The following DNAH8 variants were observed in gnomAD, a reference collection of about 807,000 sequenced individuals.
DNAH8 encodes the protein axonemal beta dynein heavy chain 8.
A neutral mutation model predicts 562.1 loss-of-function variants in DNAH8; 382 were observed. The observed-to-expected ratio is 0.68, with a 90% CI of 0.63 to 0.74. DNAH8 has a LOEUF of 0.74. Among genes scored for constraint, DNAH8 ranks in the 30% least tolerant of loss-of-function variants. The pLI, the probability that DNAH8 is intolerant of heterozygous loss-of-function variation, is 0.00. For synonymous variants in DNAH8, 1,881 were observed against 1,919.4 expected, an observed-to-expected ratio of 0.98 and a Z score of 0.52; for missense variants, 5,203 against 5,620.4, an observed-to-expected ratio of 0.93 and a Z score of 2.37.
intron 26 of DNAH8, among the ~76,000 whole-genome samples, chr6:38,820,238 A>G (rs1305194074): frequency 1.3e-5 from 2 of 152,212 alleles, no homozygotes; most frequent in Admixed American, 6.5e-5. Context: ...GATAGATAAC[A>G]TACAGCAGAA....
chr6:38,897,251 A>G (rs941576202), intron 60 of DNAH8, among the ~76,000 whole-genome samples: 3 of 152,234 alleles, frequency 2.0e-5, no homozygotes, highest in African/African-American at 7.2e-5. Context: ...ATAGAATTCA[A>G]ATTTCATTGT....
At chr6:38,836,098 A>G (rs895649161) in intron 32 of DNAH8, among the ~76,000 whole-genome samples, 3 of 152,198 alleles carry the variant, frequency 2.0e-5, no homozygotes. Context: ...AAGGTTTCCA[A>G]CTTGGGCATA....
chr6:38,826,391 AGTAAG>A lies in DNAH8; in HGVS notation c.4083+1_4083+5del. ...TGGACATGACTTTGGGACCAATTGA[AGTAAG>A]AAATGATTGCATTTTTTTTTCTTGG... On this transcript the variant is annotated splice_donor_variant and splice_donor_5th_base_variant and intron_variant, in intron 29 of 92. Transcript: ENST00000327475. LOFTEE classifies it high-confidence loss of function. 6.3e-7 allele frequency: 1 copy of A among 1,576,010 alleles called. No homozygotes were observed. The highest frequency in any genetic ancestry group is 8.6e-7 in the Non-Finnish European group (1 of 1,161,602).
At chr6:38,819,809 C>G (rs1247371324) in intron 26 of DNAH8, among the ~76,000 whole-genome samples, 2 of 152,104 alleles carry the variant, frequency 1.3e-5, no homozygotes, top group Non-Finnish European at 2.9e-5. Flanking sequence ...ACAAAACCCC[C>G]AGTATTTTTA....
intron 70 of DNAH8, among the ~76,000 whole-genome samples, chr6:38,919,599 T>G (rs796891809): frequency 1.9e-4 from 29 of 152,340 alleles, no homozygotes; most frequent in African/African-American, 7.0e-4. Flanking sequence ...AAATTATTTC[T>G]AGAGTACAAG....
At chr6:38,749,008 A>G (rs1023611945) in intron 8 of DNAH8, among the ~76,000 whole-genome samples, 2 of 152,038 alleles carry the variant, frequency 1.3e-5, no homozygotes, top group African/African-American at 4.8e-5. Flanking sequence ...ACCAGATCAC[A>G]CTGAAGGCTT....
At chr6:38,956,446 C>T (rs1451561116) in intron 82 of DNAH8, among the ~76,000 whole-genome samples, 2 of 152,186 alleles carry the variant, frequency 1.3e-5, no homozygotes, top group East Asian at 3.9e-4. Context: ...CAGAGACCTG[C>T]TGGGAGACAC....
chr6:38,918,027 G>A lies in DNAH8; in HGVS notation c.10411G>A (p.Asp3471Asn), dbSNP rs1241791998. 6.2e-7 allele frequency: 1 copy of A among 1,613,694 alleles called. No homozygotes were observed. The highest frequency in any genetic ancestry group is 8.5e-7 in the Non-Finnish European group (1 of 1,179,838). The change falls in exon 70 of 93, where the codon GAT becomes AAT. Residue 3471 changes from aspartate to asparagine, a missense_variant. Asp to Asn is a conservative substitution (Grantham distance 23, BLOSUM62 1). Coordinates refer to ENST00000327475, the MANE Select transcript of DNAH8 (RefSeq NM_001206927.2). ...ACTACAGCCATATTTTAATATGGAT[G>A]ATTATACTTTTGAAAGTGCCAAAAA... Reference protein sequence around the residue: ...ELLQPYFNMDDYTFESAKKVC... With the variant: ...ELLQPYFNMDNYTFESAKKVC...
At chr6:39,001,690 A>T (rs1010337939) in intron 88 of DNAH8, among the ~76,000 whole-genome samples, 8 of 152,180 alleles carry the variant, frequency 5.3e-5, no homozygotes, top group African/African-American at 1.7e-4. Context: ...GTGATGAAAA[A>T]GGTTTGTATG....
Position 38,917,228 on chromosome 6 carries a change from C to G in DNAH8, c.10141-11C>G. The G allele has an allele frequency of 6.5e-7, 1 of 1,549,390 alleles. No individual in the cohort carries two copies. Among genetic ancestry groups the G allele is most frequent in the Non-Finnish European group, 8.7e-7 (1 of 1,155,248 alleles). ...AACAAACAAAATATTGATCCTTAAT[C>G]CCAAATATAGACTATCAAGCCAAAT... is the stretch of plus-strand genomic sequence containing the variant. On this transcript the variant is annotated splice_polypyrimidine_tract_variant and intron_variant, in intron 68 of 92. Coordinates refer to ENST00000327475, the MANE Select transcript of DNAH8 (RefSeq NM_001206927.2).
intron 73 of DNAH8, 76 bp downstream of exon 73, chr6:38,924,238 T>A: frequency 1.4e-6 from 2 of 1,465,878 alleles, no homozygotes; most frequent in Non-Finnish European, 1.9e-6. Context: ...CCCGGCTGGG[T>A]GTGGTGGCTC....
At chr6:38,853,066 G>C (rs143645253) in intron 40 of DNAH8, 120 bp from the exon 41 acceptor site, 6 of 779,520 alleles carry the variant, frequency 7.7e-6, no homozygotes, top group Non-Finnish European at 1.2e-5. Flanking sequence ...AAAATATTTT[G>C]TATAAAATAT....
intron 58 of DNAH8, 74 bp downstream of exon 58, chr6:38,890,835 T>A: frequency 1.0e-6 from 1 of 995,198 alleles, no homozygotes; most frequent in Non-Finnish European, 1.6e-6. Flanking sequence ...CGTGGCTCAT[T>A]AAGTTATCAT....
chr6:38,851,800 A>G, intron 39 of DNAH8, 126 bp downstream of exon 39: 1 of 688,070 alleles, frequency 1.5e-6, no homozygotes, highest in East Asian at 2.8e-5. Context: ...CATTGATCAT[A>G]AAATTTCATA....
rs1778665842 is a variant in DNAH8 at position 38,883,441 on chromosome 6, A to G, written c.8121A>G (p.Glu2707=). The G allele has an allele frequency of 6.2e-7, 1 of 1,609,478 alleles. No individual in the cohort carries two copies. Among genetic ancestry groups the G allele is most frequent in the Non-Finnish European group, 8.5e-7 (1 of 1,178,332 alleles). Residue 2707 remains glutamate (E), a synonymous_variant, in exon 55 of 93, where the codon GAA becomes GAG. Coordinates refer to ENST00000327475, the MANE Select transcript of DNAH8 (RefSeq NM_001206927.2). ...SKSLNFSSAT[E]PMMFQRTIES... ...GTCTAAACTTTTCATCTGCCACAGA[A>G]CCAATGATGTTTCAGGTGAAATCCA...
rs187112451 is a variant in DNAH8, at chr6:38,954,777, A to T, written c.12451+3257A>T. On this transcript the variant is annotated intron_variant, in intron 82 of 92. Coordinates refer to ENST00000327475, the MANE Select transcript of DNAH8 (RefSeq NM_001206927.2). ...TTGGCAAATTTATAGAAACATATGAATTTAGAAAATTTCCTCAGAAAAGGT... is the reference window on the plus strand; with the variant it reads ...TTGGCAAATTTATAGAAACATATGATTTTAGAAAATTTCCTCAGAAAAGGT... 1.7e-4 allele frequency among the ~76,000 whole-genome samples: 26 copies of T among 152,324 alleles called. No homozygotes were observed. The East Asian group carries it at 5.0e-3, about 29-fold the overall frequency.
At chr6:38,813,696 G>A (rs1678689) in intron 24 of DNAH8, among the ~76,000 whole-genome samples, 45,498 of 151,810 alleles carry the variant, frequency 0.3, 7,105 homozygotes, top group East Asian at 0.42. Context: ...TTAATCTTGT[G>A]AAAATATAGA....
At position 39,012,476 on chromosome 6, in the gene DNAH8, A is replaced by C. The variant is rs373389654; in HGVS notation, c.13553A>C (p.Tyr4518Ser). ...CTGAGAGATGCTCTGGACAACATGT[A>C]TGATGCTCGTATACCTCAGCTCTGG... ...ENLRDALDNM[Y>S]DARIPQLWKR... is the part of the protein sequence containing the mutation. Residue 4518 changes from tyrosine (Y) to serine (S), a missense_variant, in exon 91 of 93, where the codon TAT (tyrosine) becomes TCT (serine). Coordinates refer to ENST00000327475, the MANE Select transcript of DNAH8 (RefSeq NM_001206927.2). 3.1e-6 allele frequency: 5 copies of C among 1,614,100 alleles called. No individual in the cohort carries two copies. The highest frequency in any genetic ancestry group is 3.4e-6 in the Non-Finnish European group (4 of 1,179,952).
chr6:38,852,773 T>C lies in DNAH8; in HGVS notation c.5546T>C (p.Ile1849Thr), dbSNP rs1428818059. 5 of 1,613,210 alleles carry C rather than the reference T, an allele frequency of 3.1e-6. No homozygotes were observed. The highest frequency in any genetic ancestry group is 1.1e-5 in the South Asian group (1 of 90,928). Reference protein sequence around the residue: ...AKDYDRIMAVISREGEKIVLD... With the variant: ...AKDYDRIMAVTSREGEKIVLD... ...GACTATGATCGCATCATGGCCGTCA[T>C]ATCAAGAGAAGGAGAAAAAATTGTT... The change falls in exon 40 of 93, where the codon ATA becomes ACA. Residue 1849 changes from isoleucine (I) to threonine (T), a missense_variant. Transcript: ENST00000327475.
Sources: gnomAD v4.1 joint callset for allele counts (sites outside exome capture counted in the v4.1 genomes callset) on GRCh38, gnomAD v4.1.1 for gene constraint, MANE v1.5 for transcripts, NCBI Gene and HGNC (gene_info 2026-07-23, HGNC 2026-07-21) for gene names.